SLC8A1: variants seen among roughly 807,000 people sequenced by gnomAD.
The protein encoded by SLC8A1 is sodium/calcium exchanger 1.
Under a neutral mutation model 68.3 loss-of-function variants are expected in SLC8A1, and 18 were observed. The observed-to-expected ratio is 0.26, with a 90% CI of 0.18 to 0.39. The LOEUF is 0.39. Ranked by LOEUF, SLC8A1 falls within the 10% of genes least tolerant of loss-of-function variation. The pLI is 1.00. For missense variants in SLC8A1, 985 were observed against 1,156.7 expected (o/e 0.85, Z 2.15); for synonymous variants, 475 against 415.5 (o/e 1.14, Z -1.74).
intron 2 of SLC8A1, among the ~76,000 whole-genome samples, chr2:40,227,556 G>A (rs569263109): frequency 2.0e-5 from 3 of 152,092 alleles, no homozygotes; most frequent in African/African-American, 7.2e-5. Flanking sequence ...ACATACTGGG[G>A]TCTTTTGGAG....
At chr2:40,478,577 G>C (rs1704435334) in intron 1 of SLC8A1, among the ~76,000 whole-genome samples, 1 of 151,964 alleles carries the variant, frequency 6.6e-6, no homozygotes, top group African/African-American at 2.4e-5. Flanking sequence ...TTTTCACTGA[G>C]TTTTTTTCAG....
At chr2:40,232,088 T>G (rs2059724037) in intron 2 of SLC8A1, among the ~76,000 whole-genome samples, 1 of 151,734 alleles carries the variant, frequency 6.6e-6, no homozygotes, top group African/African-American at 2.4e-5. Context: ...GTTCAAAAAA[T>G]CAAGCAAGGC....
At chr2:40,414,293 G>C (rs368152019) in intron 2 of SLC8A1, among the ~76,000 whole-genome samples, 25 of 152,220 alleles carry the variant, frequency 1.6e-4, no homozygotes, top group African/African-American at 5.3e-4. Context: ...CTAGACCGTG[G>C]GGAAGCAAAC....
chr2:40,474,242 C>G (rs927312698), intron 1 of SLC8A1, among the ~76,000 whole-genome samples: 1 of 152,174 alleles, frequency 6.6e-6, no homozygotes, highest in African/African-American at 2.4e-5. Flanking sequence ...TAGGAATTAA[C>G]AGATTGTCTT....
chr2:40,451,727 A>C (rs1349379640), intron 1 of SLC8A1, among the ~76,000 whole-genome samples, 177 bp downstream of exon 1: 2 of 140,676 alleles, frequency 1.4e-5, no homozygotes, highest in Non-Finnish European at 3.1e-5. Context: ...GCAGGCGCGC[A>C]CACACCACAT....
chr2:40,125,175 T>C lies in SLC8A1; in HGVS notation c.2438-9546A>G, dbSNP rs923125320. On this transcript the variant is annotated intron_variant, in intron 7 of 7. Transcript: ENST00000406785. ...AGTGAACGGCTGAATTTCAGCTTTTTCCTGGTCCTTTTGGTTAATTCAGCA... is the reference window on the plus strand; with the variant it reads ...AGTGAACGGCTGAATTTCAGCTTTTCCCTGGTCCTTTTGGTTAATTCAGCA... Among the ~76,000 whole-genome samples the C allele has an allele frequency of 2.0e-5, 3 of 152,342 alleles. No individual in the cohort carries two copies. In the East Asian group the frequency reaches 5.8e-4, roughly 29 times the overall value.
At chr2:40,482,868 G>A (rs1487045491) in intron 1 of SLC8A1, among the ~76,000 whole-genome samples, 4 of 145,152 alleles carry the variant, frequency 2.8e-5, no homozygotes, top group Non-Finnish European at 4.5e-5. Flanking sequence ...TCGGCTCACT[G>A]CAAGCTCCGC....
At chr2:40,219,113 C>G (rs962145320) in intron 2 of SLC8A1, among the ~76,000 whole-genome samples, 5 of 152,152 alleles carry the variant, frequency 3.3e-5, no homozygotes, top group African/African-American at 1.2e-4. Flanking sequence ...GTAGGATTCT[C>G]CTAATCTTGG....
chr2:40,128,062 G>C (rs1446906128), intron 7 of SLC8A1, among the ~76,000 whole-genome samples: 1 of 152,238 alleles, frequency 6.6e-6, no homozygotes, highest in Non-Finnish European at 1.5e-5. Context: ...GGCAGGATGT[G>C]AGGTCTGTGT....
intron 2 of SLC8A1, among the ~76,000 whole-genome samples, chr2:40,313,049 A>G (rs949858020): frequency 1.9e-4 from 29 of 152,106 alleles, no homozygotes; most frequent in Admixed American, 6.6e-5. Context: ...CTTTGCCATA[A>G]TCAAGGTAAT....
chr2:40,329,653 C>T (rs1033280825), intron 2 of SLC8A1, among the ~76,000 whole-genome samples: 2 of 152,162 alleles, frequency 1.3e-5, no homozygotes, highest in Non-Finnish European at 2.9e-5. Context: ...CTTGTCATGA[C>T]GAGTCCCTTA....
At position 40,160,146 on chromosome 2, in the gene SLC8A1, A is replaced by G. The variant is rs562167658; in HGVS notation, c.2161+619T>C. Among the ~76,000 whole-genome samples, 24 of 152,338 alleles carry G rather than the reference A, an allele frequency of 1.6e-4. No individual in the cohort carries two copies. In the Middle Eastern group the frequency reaches 0.01, roughly 65 times the overall value. ...AAGAGTGGACAGGGTTTGACAATAC[A>G]GGAAGAGCACACCTCTCTCTCTATT... On this transcript the variant is annotated intron_variant, in intron 6 of 7. Coordinates refer to ENST00000406785, the Ensembl canonical transcript of SLC8A1.
At chr2:40,418,069 G>C (rs930619326) in intron 2 of SLC8A1, among the ~76,000 whole-genome samples, 2 of 152,116 alleles carry the variant, frequency 1.3e-5, no homozygotes, top group African/African-American at 4.8e-5. Context: ...AGCTATAGAA[G>C]TCATGAAATA....
chr2:40,311,650 T>C (rs1443919301), intron 2 of SLC8A1, among the ~76,000 whole-genome samples: 1 of 152,120 alleles, frequency 6.6e-6, no homozygotes, highest in Non-Finnish European at 1.5e-5. Flanking sequence ...GACAATTGTA[T>C]CCCCAAGTAG....
intron 2 of SLC8A1, among the ~76,000 whole-genome samples, chr2:40,339,942 T>G (rs568089871): frequency 7.2e-5 from 11 of 152,342 alleles, no homozygotes; most frequent in African/African-American, 2.6e-4. Context: ...GCTAGGTCAA[T>G]CAAACACAAT....
At chr2:40,329,060 TCACACACACACACA>T (rs70957170) in intron 2 of SLC8A1, among the ~76,000 whole-genome samples, 12 of 141,144 alleles carry the variant, frequency 8.5e-5, no homozygotes, top group African/African-American at 1.6e-4. Flanking sequence ...CACTACAACC[TCACACACACACACA>T]CACACACACA....
At chr2:40,385,161 C>T (rs1683150649) in intron 2 of SLC8A1, among the ~76,000 whole-genome samples, 1 of 152,040 alleles carries the variant, frequency 6.6e-6, no homozygotes, top group African/African-American at 2.4e-5. Context: ...TCATTAATTG[C>T]TATCACCTTT....
At chr2:40,276,212 C>T (rs2066677011) in intron 2 of SLC8A1, among the ~76,000 whole-genome samples, 1 of 152,138 alleles carries the variant, frequency 6.6e-6, no homozygotes, top group Non-Finnish European at 1.5e-5. Context: ...TCCCCTGTTA[C>T]AAAGCCAGGG....
intron 2 of SLC8A1, among the ~76,000 whole-genome samples, chr2:40,237,228 G>A (rs936100201): frequency 2.8e-4 from 42 of 152,234 alleles, no homozygotes; most frequent in African/African-American, 3.9e-4. Flanking sequence ...TGTCCCCATC[G>A]CTTTCAGGTA....
Sources: gnomAD v4.1 joint callset for allele counts (sites outside exome capture counted in the v4.1 genomes callset) on GRCh38, gnomAD v4.1.1 for gene constraint, MANE v1.5 for transcripts, NCBI Gene and HGNC (gene_info 2026-07-23, HGNC 2026-07-21) for gene names.